CMIP: variants seen among roughly 807,000 people sequenced by gnomAD.
CMIP encodes the protein c-Maf inducing protein, also known as C-Maf-inducing protein.
A neutral mutation model predicts 97.3 loss-of-function variants in CMIP; 13 were observed. That is an observed-to-expected ratio of 0.13 (90% CI 0.09 to 0.21). The LOEUF is 0.21. Among genes scored for constraint, CMIP ranks in the 10% least tolerant of loss-of-function variants. CMIP has a pLI of 1.00. For synonymous variants in CMIP, 538 were observed against 436.3 expected (o/e 1.23, Z -2.91); for missense variants, 847 against 1,024.9 (o/e 0.83, Z 2.37).
chr16:81,450,593 G>A (rs1255353387), intron 1 of CMIP, among the ~76,000 whole-genome samples: 1 of 152,132 alleles, frequency 6.6e-6, no homozygotes, highest in Admixed American at 6.5e-5. Context: ...CAAATGGAAG[G>A]GATTATTGTT....
intron 5 of CMIP, among the ~76,000 whole-genome samples, chr16:81,658,302 T>C (rs185762520): frequency 4.6e-5 from 7 of 152,356 alleles, no homozygotes; most frequent in Admixed American, 6.5e-5. Flanking sequence ...AATATCTTCC[T>C]GAATGACTTT....
chr16:81,608,476 A>G (rs953046470), intron 2 of CMIP, among the ~76,000 whole-genome samples: 7 of 152,182 alleles, frequency 4.6e-5, no homozygotes, highest in Non-Finnish European at 7.3e-5. Context: ...GTAATCCTTA[A>G]GAGTGAGCGC....
chr16:81,586,837 A>G (rs909228273), intron 1 of CMIP, among the ~76,000 whole-genome samples: 3 of 152,186 alleles, frequency 2.0e-5, no homozygotes, highest in Non-Finnish European at 4.4e-5. Context: ...TGTCACACAG[A>G]TGTTAGACAA....
intron 13 of CMIP, 42 bp downstream of exon 13, chr16:81,693,529 A>G: frequency 1.3e-6 from 2 of 1,594,194 alleles, no homozygotes; most frequent in South Asian, 2.3e-5. Context: ...CTGTCTGGGG[A>G]TGGCAGGATG....
At chr16:81,692,041 A>G (rs1906141261) in intron 11 of CMIP, among the ~76,000 whole-genome samples, 1 of 152,122 alleles carries the variant, frequency 6.6e-6, no homozygotes, top group African/African-American at 2.4e-5. Context: ...AAAAATGGGG[A>G]ACTCAGGAGA....
At chr16:81,513,035 C>T (rs1343744897) in intron 1 of CMIP, among the ~76,000 whole-genome samples, 1 of 152,228 alleles carries the variant, frequency 6.6e-6, no homozygotes, top group Non-Finnish European at 1.5e-5. Context: ...CCATGTCCGG[C>T]TTATTTGATG....
At chr16:81,589,328 G>A (rs145666244) in intron 1 of CMIP, among the ~76,000 whole-genome samples, 1,524 of 152,146 alleles carry the variant, frequency 0.01, 29 homozygotes, top group African/African-American at 0.034. Context: ...AACTCCTGGG[G>A]TCAAGTGATC....
intron 1 of CMIP, among the ~76,000 whole-genome samples, chr16:81,558,017 G>A (rs913805439): frequency 6.6e-6 from 1 of 152,136 alleles, no homozygotes; most frequent in African/African-American, 2.4e-5. Context: ...ACTGCTCTAA[G>A]TACTTCTTGT....
At chr16:81,503,872 A>G (rs1271991943) in intron 1 of CMIP, among the ~76,000 whole-genome samples, 1 of 152,268 alleles carries the variant, frequency 6.6e-6, no homozygotes, top group Non-Finnish European at 1.5e-5. Context: ...ACCTGGGAAC[A>G]GGGCAGGATG....
At chr16:81,487,982 T>C (rs925618407) in intron 1 of CMIP, among the ~76,000 whole-genome samples, 3 of 152,232 alleles carry the variant, frequency 2.0e-5, no homozygotes, top group African/African-American at 7.2e-5. Context: ...GGAGGTGCCA[T>C]TGGGATGCCC....
intron 7 of CMIP, 29 bp from the exon 8 acceptor site, chr16:81,670,113 C>A (rs770150059): frequency 2.5e-6 from 4 of 1,587,732 alleles, no homozygotes; most frequent in African/African-American, 2.7e-5. Flanking sequence ...TAGCACCGTC[C>A]CGACTCCTGT....
In CMIP at chr16:81,558,231, G is replaced by A. The variant is rs141024293; in HGVS notation, c.301-49336G>A. On this transcript the variant is annotated intron_variant, in intron 1 of 20. Coordinates refer to ENST00000537098, the MANE Select transcript of CMIP (RefSeq NM_198390.3). ...GGTTGCTTCCACCTCTCGGCCGTTAGAGATAGTGCTGCGGTGAATGCAGGC... is the reference window on the plus strand; with the variant it reads ...GGTTGCTTCCACCTCTCGGCCGTTAAAGATAGTGCTGCGGTGAATGCAGGC... Among the ~76,000 whole-genome samples the A allele has an allele frequency of 6.5e-4, 99 of 152,236 alleles. 1 individual carries two copies. The highest frequency in any genetic ancestry group is 2.1e-3 in the African/African-American group (87 of 41,536).
chr16:81,564,802 G>A (rs879290530), intron 1 of CMIP, among the ~76,000 whole-genome samples: 3 of 152,210 alleles, frequency 2.0e-5, no homozygotes, highest in Non-Finnish European at 4.4e-5. Context: ...TTGATGAGTG[G>A]AGGCATGTAC....
At chr16:81,677,317 A>T (rs1292747762) in intron 9 of CMIP, among the ~76,000 whole-genome samples, 1 of 152,088 alleles carries the variant, frequency 6.6e-6, no homozygotes, top group African/African-American at 2.4e-5. Flanking sequence ...GGGCTGTTTA[A>T]TTAGGGGTAG....
intron 2 of CMIP, among the ~76,000 whole-genome samples, chr16:81,611,128 C>A (rs1166756519): frequency 6.6e-6 from 1 of 152,240 alleles, no homozygotes; most frequent in African/African-American, 2.4e-5. Context: ...ATTAATAACA[C>A]AGTTCCTCAG....
intron 1 of CMIP, among the ~76,000 whole-genome samples, chr16:81,501,669 T>G (rs903254760): frequency 6.6e-6 from 1 of 150,786 alleles, no homozygotes; most frequent in African/African-American, 2.4e-5. Flanking sequence ...TGGAGTGCAG[T>G]GTCGTGATCT....
intron 1 of CMIP, among the ~76,000 whole-genome samples, chr16:81,462,512 A>G (rs1256530273): frequency 1.3e-5 from 2 of 152,234 alleles, no homozygotes; most frequent in African/African-American, 4.8e-5. Flanking sequence ...GATAAAAAAA[A>G]AAATGTTTCA....
chr16:81,553,877 C>A (rs557125559), intron 1 of CMIP, among the ~76,000 whole-genome samples: 5 of 152,218 alleles, frequency 3.3e-5, no homozygotes, highest in Non-Finnish European at 7.3e-5. Flanking sequence ...AGACACGTGG[C>A]CCCCCTGGCC....
At chr16:81,675,798 C>T (rs1014647422) in intron 9 of CMIP, among the ~76,000 whole-genome samples, 3 of 152,176 alleles carry the variant, frequency 2.0e-5, no homozygotes, top group Admixed American at 2.0e-4. Context: ...CTTCTCAAAC[C>T]TCCTGGTGCC....
Sources: allele counts gnomAD v4.1 joint callset (sites outside exome capture counted in the v4.1 genomes callset), GRCh38; gene constraint gnomAD v4.1.1; transcripts MANE v1.5; gene names NCBI Gene and HGNC (gene_info 2026-07-23, HGNC 2026-07-21).